Variants in USP10 observed in about 807,000 individuals in gnomAD.
USP10 encodes the protein ubiquitin specific peptidase 10.
USP10 carries 22 observed loss-of-function variants against 84.5 expected under a neutral mutation model. That is an observed-to-expected ratio of 0.26 (90% CI 0.19 to 0.37). USP10 has a LOEUF of 0.37. Ranked by LOEUF, USP10 falls within the 10% of genes least tolerant of loss-of-function variation. USP10 has a pLI of 1.00. For synonymous variants in USP10, 454 were observed against 387.6 expected, an observed-to-expected ratio of 1.17 and a Z score of -2.01; for missense variants, 1,019 against 998.9, an observed-to-expected ratio of 1.02 and a Z score of -0.27.
At chr16:84,712,012 G>A (rs1022052997) in intron 1 of USP10, among the ~76,000 whole-genome samples, 2 of 152,096 alleles carry the variant, frequency 1.3e-5, no homozygotes, top group South Asian at 2.1e-4. Context: ...GAGCCACCGC[G>A]CCCGGTGGCT....
intron 1 of USP10, among the ~76,000 whole-genome samples, chr16:84,727,617 T>G (rs750655842): frequency 2.0e-5 from 3 of 152,258 alleles, no homozygotes; most frequent in Admixed American, 1.3e-4. Flanking sequence ...GCTTAATCAT[T>G]TGTGTGTGCT....
At chr16:84,774,061 C>G (rs1322659651) in intron 12 of USP10, among the ~76,000 whole-genome samples, 1 of 152,024 alleles carries the variant, frequency 6.6e-6, no homozygotes, top group African/African-American at 2.4e-5. Flanking sequence ...ACCAGCCTGA[C>G]CAACGTGGTG....
intron 4 of USP10, among the ~76,000 whole-genome samples, chr16:84,755,717 G>A (rs187125419): frequency 7.3e-5 from 11 of 151,654 alleles, no homozygotes; most frequent in South Asian, 2.1e-4. Flanking sequence ...AGAATTGCTT[G>A]AGACCCAGAG....
chr16:84,762,244 AAGAC>A (rs1442748026), intron 8 of USP10, among the ~76,000 whole-genome samples: 7 of 152,354 alleles, frequency 4.6e-5, no homozygotes, highest in Middle Eastern at 3.4e-3. Flanking sequence ...TCCATCATCA[AAGAC>A]AGACAGAAGC....
intron 13 of USP10, among the ~76,000 whole-genome samples, chr16:84,777,119 A>G (rs529411832): frequency 1.3e-5 from 2 of 152,348 alleles, no homozygotes; most frequent in African/African-American, 4.8e-5. Context: ...AACTGCTGTG[A>G]TTGTGGGGCC....
At chr16:84,778,218 C>G (rs949623346) in intron 13 of USP10, among the ~76,000 whole-genome samples, 1 of 152,068 alleles carries the variant, frequency 6.6e-6, no homozygotes, top group Admixed American at 6.5e-5. Flanking sequence ...GCTCCACGCT[C>G]AAGCAACCGT....
rs192472266 is a variant in USP10, at chr16:84,752,461, C to G, written c.1193-6255C>G. The stretch of plus-strand genomic sequence containing the variant: ...GTTGCCTGCCCTCTATCCTTGGTGG[C>G]CCGCCTTCCTCATTTTTATTCTTTT... On this transcript the variant is annotated intron_variant, in intron 4 of 13. Transcript: ENST00000219473. Among the ~76,000 whole-genome samples, 14 of 152,302 alleles carry G rather than the reference C, an allele frequency of 9.2e-5. No individual in the cohort carries two copies. In the East Asian group the frequency reaches 2.5e-3, roughly 27 times the overall value.
chr16:84,736,769 A>G (rs1909984400), intron 2 of USP10, among the ~76,000 whole-genome samples: 1 of 152,074 alleles, frequency 6.6e-6, no homozygotes, highest in South Asian at 2.1e-4. Context: ...GAGAGTAGAG[A>G]GTAGAGACAG....
intron 10 of USP10, among the ~76,000 whole-genome samples, chr16:84,766,999 G>C (rs1257087751): frequency 6.6e-6 from 1 of 152,102 alleles, no homozygotes; most frequent in Non-Finnish European, 1.5e-5. Context: ...TGAATCAAGA[G>C]GGCTTCTTGA....
At chr16:84,751,626 C>G (rs1211917038) in intron 4 of USP10, among the ~76,000 whole-genome samples, 1 of 152,176 alleles carries the variant, frequency 6.6e-6, no homozygotes, top group East Asian at 1.9e-4. Context: ...ACATTTTGGT[C>G]ACTTTGCTGT....
rs148695375 is a variant in USP10, at chr16:84,775,843, C to G, written c.2209+618C>G. On this transcript the variant is annotated intron_variant, in intron 13 of 13. Transcript: ENST00000219473. Reference sequence around the variant, plus strand: ...TTTTCTGCCACATCATCTTCCCTTTCCTTTCTGCCTTCCCTTTTATCCTTC... The same window carrying G: ...TTTTCTGCCACATCATCTTCCCTTTGCTTTCTGCCTTCCCTTTTATCCTTC... Among the ~76,000 whole-genome samples, 65 of 152,312 alleles carry G rather than the reference C, an allele frequency of 4.3e-4. 1 individual carries two copies. The East Asian group carries it at 0.013, about 29-fold the overall frequency.
chr16:84,776,283 A>ATGGGGGCCCAGGGGTGAGGGCCTAGCGG (rs1472090744), intron 13 of USP10, among the ~76,000 whole-genome samples: 4 of 151,230 alleles, frequency 2.6e-5, no homozygotes, highest in Non-Finnish European at 5.9e-5. Context: ...GGGCCCAGGG[A>ATGGGGGCCCAGGGGTGAGGGCCTAGCGG]TGGGGGCCCA....
At chr16:84,757,781 CTGTGTGA>C (rs1912758080) in intron 4 of USP10, among the ~76,000 whole-genome samples, 1 of 152,086 alleles carries the variant, frequency 6.6e-6, no homozygotes, top group South Asian at 2.1e-4. Flanking sequence ...TACCTGGCTC[CTGTGTGA>C]TCACAGGTGA....
At chr16:84,719,405 G>C (rs935429121) in intron 1 of USP10, among the ~76,000 whole-genome samples, 1 of 152,162 alleles carries the variant, frequency 6.6e-6, no homozygotes, top group Non-Finnish European at 1.5e-5. Flanking sequence ...AACTCCAACT[G>C]TAAGTCAGAA....
chr16:84,764,396 C>T (rs534120620), intron 10 of USP10, 133 bp downstream of exon 10: 4 of 1,234,434 alleles, frequency 3.2e-6, no homozygotes, highest in Non-Finnish European at 4.6e-6. Context: ...CCTGCCTGCT[C>T]TTCTCTTGCA....
At chr16:84,730,774 A>G (rs1909110917) in intron 1 of USP10, among the ~76,000 whole-genome samples, 1 of 152,188 alleles carries the variant, frequency 6.6e-6, no homozygotes, top group Admixed American at 6.5e-5. Flanking sequence ...GAAATAAGAA[A>G]GTGTGCTTAG....
intron 10 of USP10, among the ~76,000 whole-genome samples, chr16:84,765,808 C>G (rs1046579134): frequency 1.3e-5 from 2 of 152,184 alleles, no homozygotes; most frequent in South Asian, 4.1e-4. Flanking sequence ...CCCTGGGCAC[C>G]TGGCTGTGTG....
At chr16:84,771,871 C>A (rs1330688287) in intron 11 of USP10, among the ~76,000 whole-genome samples, 3 of 151,978 alleles carry the variant, frequency 2.0e-5, no homozygotes, top group Admixed American at 2.0e-4. Context: ...TCCCTCCCCC[C>A]AAAAAAGGCG....
At chr16:84,728,083 C>T (rs1908745022) in intron 1 of USP10, among the ~76,000 whole-genome samples, 2 of 152,184 alleles carry the variant, frequency 1.3e-5, no homozygotes, top group Admixed American at 1.3e-4. Context: ...CTTTTGATAA[C>T]ATTCCTCATT....
Sources: allele counts gnomAD v4.1 joint callset (sites outside exome capture counted in the v4.1 genomes callset), GRCh38; gene constraint gnomAD v4.1.1; transcripts MANE v1.5; gene names NCBI Gene and HGNC (gene_info 2026-07-23, HGNC 2026-07-21).